PPM1L: variants seen among roughly 807,000 people sequenced by gnomAD.
The protein encoded by PPM1L is protein phosphatase 1L.
A neutral mutation model predicts 31.4 loss-of-function variants in PPM1L; 13 were observed. That is an observed-to-expected ratio of 0.41 (90% CI 0.27 to 0.66). The LOEUF (loss-of-function observed/expected upper bound fraction) is 0.66. Among genes scored for constraint, PPM1L ranks in the 30% least tolerant of loss-of-function variants. PPM1L has a pLI of 0.29. For synonymous variants in PPM1L, 184 were observed against 175.4 expected (o/e 1.05, Z -0.39); for missense variants, 326 against 453.7 (o/e 0.72, Z 2.56).
intron 2 of PPM1L, among the ~76,000 whole-genome samples, chr3:160,973,234 C>T (rs1716413054): frequency 6.6e-6 from 1 of 152,164 alleles, no homozygotes; most frequent in African/African-American, 2.4e-5. Flanking sequence ...CTGTATTTAT[C>T]TTTTTAATCA....
At chr3:160,808,042 C>A (rs539949327) in intron 1 of PPM1L, among the ~76,000 whole-genome samples, 40 of 152,238 alleles carry the variant, frequency 2.6e-4, no homozygotes, top group African/African-American at 8.4e-4. Context: ...ATTTTTAACT[C>A]TTCTATTGGA....
At chr3:161,034,157 C>CTAACATAT (rs1576796336) in intron 2 of PPM1L, among the ~76,000 whole-genome samples, 1 of 152,086 alleles carries the variant, frequency 6.6e-6, no homozygotes, top group East Asian at 1.9e-4. Flanking sequence ...CTATCTCATG[C>CTAACATAT]CAGTTAGAAT....
intron 1 of PPM1L, among the ~76,000 whole-genome samples, chr3:160,942,045 C>T (rs1326365299): frequency 1.3e-5 from 2 of 152,170 alleles, no homozygotes; most frequent in East Asian, 3.8e-4. Context: ...TTTTCCCTTT[C>T]GAGTGTCATA....
rs1719872340 is a variant in PPM1L at position 161,070,457 on chromosome 3, C to T, written c.*1300C>T. The T allele has an allele frequency of 6.6e-6, 1 of 152,230 alleles. No homozygotes were observed. Among genetic ancestry groups the T allele is most frequent in the South Asian group, 2.1e-4 (1 of 4,836 alleles). 9.4% of individuals were successfully genotyped at this position (152,230 alleles called of 1,614,324 possible). A position where few individuals can be genotyped will look rare whatever the true frequency, so the allele number is the denominator to read the frequency against. On this transcript the variant is annotated 3_prime_UTR_variant, in exon 4 of 4. Coordinates refer to ENST00000498165, the MANE Select transcript of PPM1L (RefSeq NM_139245.4). ...GCAAAGGGACCTGGCAGTTGCAACACAGTAAGTCAGGAATTCAAGCGTGAA... is the reference window on the plus strand; with the variant it reads ...GCAAAGGGACCTGGCAGTTGCAACATAGTAAGTCAGGAATTCAAGCGTGAA...
chr3:160,911,148 G>T (rs937746527), intron 1 of PPM1L, among the ~76,000 whole-genome samples: 3 of 152,144 alleles, frequency 2.0e-5, no homozygotes, highest in Admixed American at 6.5e-5. Context: ...CCTACCGCAG[G>T]TGTACTATTT....
chr3:160,806,040 A>T (rs1012575221), intron 1 of PPM1L, among the ~76,000 whole-genome samples: 1 of 152,090 alleles, frequency 6.6e-6, no homozygotes, highest in Non-Finnish European at 1.5e-5. Context: ...ATACCAACTG[A>T]TGTCTCACAC....
intron 1 of PPM1L, among the ~76,000 whole-genome samples, chr3:160,898,594 G>A (rs2108051627): frequency 6.6e-6 from 1 of 152,246 alleles, no homozygotes; most frequent in Non-Finnish European, 1.5e-5. Context: ...GCACATGTTG[G>A]GGCTTCTTGA....
chr3:160,813,349 A>AT (rs926866971), intron 1 of PPM1L, among the ~76,000 whole-genome samples: 7 of 151,484 alleles, frequency 4.6e-5, no homozygotes, highest in Admixed American at 2.6e-4. Flanking sequence ...ATTTTATTTT[A>AT]TTTTTTTTGA....
intron 1 of PPM1L, among the ~76,000 whole-genome samples, chr3:160,866,283 T>C (rs986746755): frequency 2.6e-5 from 4 of 152,164 alleles, no homozygotes; most frequent in African/African-American, 9.7e-5. Flanking sequence ...ATTAATGGGG[T>C]GGTTTCACTT....
At chr3:161,035,286 C>A (rs1388852472) in intron 2 of PPM1L, among the ~76,000 whole-genome samples, 2 of 151,706 alleles carry the variant, frequency 1.3e-5, no homozygotes, top group Non-Finnish European at 2.9e-5. Flanking sequence ...GGTAAGTAAC[C>A]CAAACGGAAA....
intron 1 of PPM1L, among the ~76,000 whole-genome samples, chr3:160,867,530 T>G (rs1210992838): frequency 8.2e-6 from 1 of 121,894 alleles, no homozygotes; most frequent in African/African-American, 2.6e-5. Context: ...CTTCCTGGCT[T>G]CCTTCCTTTC....
chr3:160,971,181 T>C (rs1377727823), intron 2 of PPM1L, among the ~76,000 whole-genome samples: 1 of 152,222 alleles, frequency 6.6e-6, no homozygotes, highest in African/African-American at 2.4e-5. Context: ...TAGGTTTTTG[T>C]CTATGGTGGG....
At chr3:160,963,263 C>T (rs551183163) in intron 2 of PPM1L, among the ~76,000 whole-genome samples, 9 of 152,006 alleles carry the variant, frequency 5.9e-5, no homozygotes, top group South Asian at 2.1e-4. Context: ...AAAACTGGGA[C>T]GCCAACTTCC....
At chr3:160,951,421 G>T (rs1035326147) in intron 1 of PPM1L, among the ~76,000 whole-genome samples, 17 of 152,136 alleles carry the variant, frequency 1.1e-4, no homozygotes, top group African/African-American at 4.1e-4. Context: ...TAGAGTTTGA[G>T]GGTAGGTTTT....
intron 1 of PPM1L, chr3:160,882,244 A>G (rs1712747294): frequency 6.6e-6 from 1 of 152,226 alleles, no homozygotes; most frequent in Non-Finnish European, 1.5e-5. Context: ...TAGAGCAGAC[A>G]TCATCCTAGA....
intron 2 of PPM1L, among the ~76,000 whole-genome samples, chr3:160,999,988 A>G (rs1454982961): frequency 6.6e-6 from 1 of 152,148 alleles, no homozygotes; most frequent in Admixed American, 6.6e-5. Flanking sequence ...TCTCCCTCCC[A>G]AGACTCTGAG....
chr3:160,871,601 A>G (rs1712309182), intron 1 of PPM1L, among the ~76,000 whole-genome samples: 1 of 152,190 alleles, frequency 6.6e-6, no homozygotes, highest in Admixed American at 6.5e-5. Context: ...AGGCTATGAA[A>G]TCTTGAATCT....
intron 2 of PPM1L, among the ~76,000 whole-genome samples, chr3:160,973,852 C>A (rs1576754242): frequency 8.3e-6 from 1 of 120,424 alleles, no homozygotes; most frequent in Admixed American, 8.8e-5. Context: ...TCTAGTTTTT[C>A]TTTTTTTTTC....
At chr3:160,964,231 G>A (rs1447608) in intron 2 of PPM1L, among the ~76,000 whole-genome samples, 7 of 151,494 alleles carry the variant, frequency 4.6e-5, no homozygotes, top group African/African-American at 1.2e-4. Context: ...AGCATAAAAC[G>A]TTTGATTCCC....
Sources: gnomAD v4.1 joint callset for allele counts (sites outside exome capture counted in the v4.1 genomes callset) on GRCh38, gnomAD v4.1.1 for gene constraint, MANE v1.5 for transcripts, NCBI Gene and HGNC (gene_info 2026-07-23, HGNC 2026-07-21) for gene names.